CDH18: variants seen among roughly 807,000 people sequenced by gnomAD.
CDH18 encodes the protein cadherin 18.
CDH18 carries 31 observed loss-of-function variants against 67.9 expected under a neutral mutation model. That is an observed-to-expected ratio of 0.46 (90% CI 0.34 to 0.62). CDH18 has a LOEUF of 0.62. Ranked by LOEUF, CDH18 falls within the 20% of genes least tolerant of loss-of-function variation. The pLI, the probability that CDH18 is intolerant of heterozygous loss-of-function variation, is 0.01. For synonymous variants in CDH18, 362 were observed against 347.2 expected (o/e 1.04, Z -0.48); for missense variants, 890 against 975.5 (o/e 0.91, Z 1.17).
chr5:19,835,374 T>C (rs1399193907), intron 3 of CDH18, among the ~76,000 whole-genome samples: 2 of 149,426 alleles, frequency 1.3e-5, no homozygotes, highest in Non-Finnish European at 3.0e-5. Context: ...TGTTGGGGGG[T>C]GGGGAGGGAA....
At chr5:20,316,794 A>G (rs879298598) in intron 1 of CDH18, among the ~76,000 whole-genome samples, 3 of 151,946 alleles carry the variant, frequency 2.0e-5, no homozygotes, top group Non-Finnish European at 4.4e-5. Flanking sequence ...TTTACACATA[A>G]TTTTTCTTTT....
intron 2 of CDH18, among the ~76,000 whole-genome samples, chr5:20,166,230 C>T (rs188670462): frequency 1.3e-5 from 2 of 152,036 alleles, no homozygotes; most frequent in Admixed American, 6.6e-5. Flanking sequence ...CACCTGAAGT[C>T]AGGAGTTTGA....
At chr5:19,918,767 G>A (rs2150159265) in intron 2 of CDH18, among the ~76,000 whole-genome samples, 1 of 152,174 alleles carries the variant, frequency 6.6e-6, no homozygotes. Flanking sequence ...TACATATTTA[G>A]TCATCATTCC....
intron 2 of CDH18, among the ~76,000 whole-genome samples, chr5:19,869,210 A>G (rs1785944363): frequency 6.6e-6 from 1 of 152,168 alleles, no homozygotes; most frequent in African/African-American, 2.4e-5. Context: ...CAGCATTATC[A>G]TCCTATGTTT....
chr5:19,577,163 T>C (rs1345995768), intron 7 of CDH18, among the ~76,000 whole-genome samples: 1 of 152,154 alleles, frequency 6.6e-6, no homozygotes, highest in Non-Finnish European at 1.5e-5. Context: ...GAATCAGTTC[T>C]GGTGTTCCAT....
chr5:20,507,331 G>C (rs545664587), intron 1 of CDH18, among the ~76,000 whole-genome samples: 68 of 152,282 alleles, frequency 4.5e-4, no homozygotes, highest in Middle Eastern at 6.8e-3. Flanking sequence ...CCCCAGTGTT[G>C]AAAAGGGCAA....
At chr5:19,696,058 T>C in intron 5 of CDH18, among the ~76,000 whole-genome samples, 1 of 152,204 alleles carries the variant, frequency 6.6e-6, no homozygotes, top group African/African-American at 2.4e-5. Context: ...TTAAAACTTA[T>C]ATCTTGATTG....
chr5:19,966,881 G>A (rs575941222), intron 2 of CDH18, among the ~76,000 whole-genome samples: 1 of 151,670 alleles, frequency 6.6e-6, no homozygotes, highest in Non-Finnish European at 1.5e-5. Context: ...AATAAAAGAT[G>A]GCTACATAAC....
chr5:19,925,972 G>A (rs553819038), intron 2 of CDH18, among the ~76,000 whole-genome samples: 20 of 152,172 alleles, frequency 1.3e-4, no homozygotes, highest in South Asian at 4.2e-4. Context: ...TAATAGATTC[G>A]TGTTTATTTT....
rs181948683 is a variant in CDH18 at position 19,722,255 on chromosome 5, T to C, written c.524-789A>G. 2.3e-3 allele frequency among the ~76,000 whole-genome samples: 343 copies of C among 151,964 alleles called. 2 individuals are homozygous for C. Among genetic ancestry groups the C allele is most frequent in the Non-Finnish European group, 3.8e-3 (257 of 67,992 alleles). On this transcript the variant is annotated intron_variant, in intron 4 of 12. Coordinates refer to ENST00000382275, the MANE Select transcript of CDH18 (RefSeq NM_004934.5). ...TTTTAGTAGAAACAGGGTTTCGCCATGTTGGCCAGGTTGGTCTTGAACTCC... is the reference window on the plus strand; with the variant it reads ...TTTTAGTAGAAACAGGGTTTCGCCACGTTGGCCAGGTTGGTCTTGAACTCC...
At chr5:20,042,756 G>A (rs1476659619) in intron 2 of CDH18, among the ~76,000 whole-genome samples, 3 of 152,072 alleles carry the variant, frequency 2.0e-5, no homozygotes, top group Non-Finnish European at 4.4e-5. Context: ...GAGGTCAAGA[G>A]ATCGAGACCA....
At chr5:19,736,945 G>C (rs937930515) in intron 4 of CDH18, among the ~76,000 whole-genome samples, 2 of 152,186 alleles carry the variant, frequency 1.3e-5, no homozygotes, top group Non-Finnish European at 2.9e-5. Context: ...AATTGGCTGA[G>C]AGAAACTCAG....
intron 3 of CDH18, among the ~76,000 whole-genome samples, chr5:19,787,323 G>A (rs558396005): frequency 3.9e-5 from 6 of 152,018 alleles, no homozygotes; most frequent in East Asian, 3.9e-4. Flanking sequence ...GTGGTGGTGC[G>A]CACCTGTAGT....
intron 8 of CDH18, among the ~76,000 whole-genome samples, chr5:19,557,349 A>C (rs1738621589): frequency 6.6e-6 from 1 of 152,070 alleles, no homozygotes; most frequent in South Asian, 2.1e-4. Context: ...AGAATGGCAG[A>C]GTGCATAAAA....
chr5:20,542,132 GAC>G (rs1419938745), intron 1 of CDH18, among the ~76,000 whole-genome samples: 3 of 152,072 alleles, frequency 2.0e-5, no homozygotes, highest in South Asian at 4.1e-4. Context: ...TTTTAATAGA[GAC>G]AGTGTTTCAC....
At chr5:20,434,737 G>C (rs1187542066) in intron 1 of CDH18, among the ~76,000 whole-genome samples, 1 of 151,964 alleles carries the variant, frequency 6.6e-6, no homozygotes, top group Non-Finnish European at 1.5e-5. Context: ...TTATTATTCA[G>C]AGAAGAGCCA....
intron 12 of CDH18, among the ~76,000 whole-genome samples, chr5:19,479,030 G>A (rs1738958196): frequency 6.6e-6 from 1 of 152,162 alleles, no homozygotes; most frequent in Non-Finnish European, 1.5e-5. Flanking sequence ...GATGGATTCC[G>A]ACCATGTTGT....
chr5:19,490,003 G>A (rs1281487936), intron 11 of CDH18, among the ~76,000 whole-genome samples: 2 of 151,910 alleles, frequency 1.3e-5, no homozygotes, highest in Non-Finnish European at 2.9e-5. Context: ...ACAAATATAG[G>A]AGTCTGAACT....
At chr5:20,350,846 A>G (rs535663248) in intron 1 of CDH18, among the ~76,000 whole-genome samples, 1 of 152,284 alleles carries the variant, frequency 6.6e-6, no homozygotes, top group African/African-American at 2.4e-5. Context: ...TTGGAATATT[A>G]TTCAGGTTAG....
Sources: allele counts gnomAD v4.1 joint callset (sites outside exome capture counted in the v4.1 genomes callset), GRCh38; gene constraint gnomAD v4.1.1; transcripts MANE v1.5; gene names NCBI Gene and HGNC (gene_info 2026-07-23, HGNC 2026-07-21).